The following LCN15 variants were observed in gnomAD, a reference collection of about 807,000 sequenced individuals.
The protein encoded by LCN15 is lipocalin-15.
LCN15 carries 26 observed loss-of-function variants against 23.1 expected under a neutral mutation model. The ratio of observed to expected loss-of-function variants is 1.13; its 90% CI spans 0.82 to 1.56. The LOEUF (loss-of-function observed/expected upper bound fraction) is 1.56, where lower values mean the gene tolerates loss of function less well. LCN15 is among the 40% of genes most tolerant of loss of function. The pLI is 0.00. For synonymous variants in LCN15, 107 were observed against 98.3 expected (o/e 1.09, Z -0.52); for missense variants, 241 against 239.5 (o/e 1.01, Z -0.04).
At chr9:136,760,495 C>T (rs1210195560) in intron 6 of LCN15, among the ~76,000 whole-genome samples, 4 of 152,204 alleles carry the variant, frequency 2.6e-5, no homozygotes, top group African/African-American at 9.7e-5. Flanking sequence ...CGCCTCAGAG[C>T]CGCCCACCTC....
intron 6 of LCN15, among the ~76,000 whole-genome samples, chr9:136,760,497 G>T (rs898336321): frequency 6.6e-6 from 1 of 152,136 alleles, no homozygotes; most frequent in African/African-American, 2.4e-5. Context: ...CCTCAGAGCC[G>T]CCCACCTCCT....
chr9:136,762,374 G>T, intron 4 of LCN15, 85 bp from the exon 5 acceptor site: 1 of 794,678 alleles, frequency 1.3e-6, no homozygotes. Context: ...CCAGCCTGAG[G>T]GCTGACAGCA....
rs2131096738 is a variant in LCN15, at chr9:136,759,697, G to T, written c.*119C>A. ...TCCCACAAGGCATCCCACAGGCGGG[G>T]GGTGGAGGATGGAGAGACTCCAGGT... On this transcript the variant is annotated 3_prime_UTR_variant, in exon 7 of 7. Coordinates refer to ENST00000316144, the MANE Select transcript of LCN15 (RefSeq NM_203347.2). 6.6e-6 allele frequency: 1 copy of T among 152,418 alleles called. No individual in the cohort carries two copies. The highest frequency in any genetic ancestry group is 1.9e-4 in the East Asian group (1 of 5,184). The allele number at this position is 152,418 out of a possible 1,614,324, so 9.4% of individuals were successfully genotyped here. A position where few individuals can be genotyped will look rare whatever the true frequency, so the allele number is the denominator to read the frequency against.
chr9:136,762,362 C>T, intron 4 of LCN15, 73 bp from the exon 5 acceptor site: 1 of 873,804 alleles, frequency 1.1e-6, no homozygotes. Flanking sequence ...GGCCTCACTC[C>T]ACCAGCCTGA....
At chr9:136,759,833 C>T (rs1302249007) in intron 6 of LCN15, 50 bp from the exon 7 acceptor site, 1 of 152,396 alleles carries the variant, frequency 6.6e-6, no homozygotes, top group Non-Finnish European at 1.5e-5. Flanking sequence ...GCGACAAACG[C>T]CCTTCCTGCT....
Position 136,761,999 on chromosome 9 carries a change from C to A in LCN15, c.521-146G>T. ...CCAGAGCTTCCCTCCCAGCGCTGCC[C>A]AAAGCCTCTCCCGTAGTCTGTTCTG... is the stretch of plus-strand genomic sequence containing the variant. On this transcript the variant is annotated intron_variant, in intron 5 of 6. Transcript: ENST00000316144. This position sits in a 1 kb window ranked among gnomAD's most constrained non-coding sequence, Gnocchi z 4.2. 1.3e-6 allele frequency: 1 copy of A among 795,344 alleles called. No individual in the cohort carries two copies. Among genetic ancestry groups the A allele is most frequent in the Non-Finnish European group, 1.9e-6 (1 of 534,862 alleles). The allele number at this position is 795,344 out of a possible 1,614,324, so 49.3% of individuals were successfully genotyped here.
Position 136,760,818 on chromosome 9 carries a change from A to C in LCN15, c.*32+969T>G, listed in dbSNP as rs1360694044. On this transcript the variant is annotated intron_variant, in intron 6 of 6. Transcript: ENST00000316144. ...GGCTGTGTGGATACAGCGGGGACAC[A>C]GAGCTGTGGATTGAATCGTGTCCCC... Among the ~76,000 whole-genome samples the C allele has an allele frequency of 3.9e-5, 6 of 152,244 alleles. No homozygotes were observed. In the South Asian group the frequency reaches 6.2e-4, roughly 16 times the overall value.
intron 6 of LCN15, among the ~76,000 whole-genome samples, chr9:136,760,982 TAAG>T (rs1014218959): frequency 2.6e-5 from 4 of 152,216 alleles, no homozygotes; most frequent in African/African-American, 9.6e-5. Context: ...GGCATCCTCC[TAAG>T]AAGAGGGCCG....
chr9:136,762,702 C>T (rs535797332), intron 4 of LCN15, among the ~76,000 whole-genome samples: 1 of 152,220 alleles, frequency 6.6e-6, no homozygotes, highest in East Asian at 1.9e-4. Flanking sequence ...GAGATCGAGA[C>T]CATCCTGGCT....
At chr9:136,762,327 A>C in intron 4 of LCN15, 38 bp from the exon 5 acceptor site, 91 of 1,218,464 alleles carry the variant, frequency 7.5e-5, no homozygotes, top group Middle Eastern at 1.9e-4. Flanking sequence ...TCAGCAGCTC[A>C]CAGGAGTGCA....
intron 4 of LCN15, 124 bp from the exon 5 acceptor site, chr9:136,762,413 T>G: frequency 1.5e-6 from 1 of 669,686 alleles, no homozygotes; most frequent in Non-Finnish European, 2.7e-6. Context: ...GGGCAGGTTG[T>G]GCGCGGCATA....
chr9:136,760,515 T>A (rs557509589), intron 6 of LCN15, among the ~76,000 whole-genome samples: 2 of 152,264 alleles, frequency 1.3e-5, no homozygotes, highest in East Asian at 3.9e-4. Context: ...CCTCCCGCCA[T>A]GCCAGGAAGG....
intron 6 of LCN15, among the ~76,000 whole-genome samples, chr9:136,760,667 G>A (rs996459400): frequency 7.2e-5 from 11 of 152,224 alleles, no homozygotes; most frequent in Admixed American, 2.0e-4. Context: ...GCAAGACCCC[G>A]CCCGCACGTG....
At chr9:136,764,056 G>T (rs371740928) in intron 1 of LCN15, 47 bp from the exon 2 acceptor site, 53 of 1,596,732 alleles carry the variant, frequency 3.3e-5, no homozygotes, top group Admixed American at 1.5e-4. Context: ...CAGCAGCAGG[G>T]CCCTCCTTGC....
intron 1 of LCN15, 26 bp from the exon 2 acceptor site, chr9:136,764,035 G>A (rs1847353360): frequency 7.5e-6 from 12 of 1,605,766 alleles, no homozygotes; most frequent in Non-Finnish European, 9.4e-6. Context: ...TCACCCGCAG[G>A]CCAGGACAGC....
At position 136,763,909 on chromosome 9, in the gene LCN15, G is replaced by A. The variant is rs1847351268; in HGVS notation, c.197C>T (p.Thr66Ile). The change falls in exon 2 of 7, where the codon ACA becomes ATA. Residue 66 changes from threonine (T) to isoleucine (I), a missense_variant. By Grantham distance (89) the Thr-to-Ile change is moderately conservative (BLOSUM62 -1). Coordinates refer to ENST00000316144, the MANE Select transcript of LCN15 (RefSeq NM_203347.2). ...LSMSTRAIRPTEEGGLHVHME... is the reference protein window; with the variant it reads ...LSMSTRAIRPIEEGGLHVHME... ...GTGGACGTGGAGGCCGCCCTCCTCT[G>A]TGGGCCTGATGGCCCTGGTGGACAT... 1 of 1,613,686 alleles carries A rather than the reference G, an allele frequency of 6.2e-7. No individual in the cohort carries two copies. The highest frequency in any genetic ancestry group is 8.5e-7 in the Non-Finnish European group (1 of 1,179,980).
chr9:136,764,272 A>T (rs1320314412), intron 1 of LCN15, 121 bp downstream of exon 1: 18 of 991,126 alleles, frequency 1.8e-5, no homozygotes, highest in Non-Finnish European at 2.6e-5. Flanking sequence ...GTGGGTCTAT[A>T]GCACGTGCCT....
rs1323060858 is a variant in LCN15, at chr9:136,763,714, C to G, written c.306G>C (p.Pro102=). 2 of 1,613,064 alleles carry G rather than the reference C, an allele frequency of 1.2e-6. No homozygotes were observed. Among genetic ancestry groups the G allele is most frequent in the South Asian group, 1.1e-5 (1 of 91,078 alleles). The change falls in exon 3 of 7, where the codon CCG becomes CCC. Residue 102 remains proline, a splice_region_variant and synonymous_variant. Transcript: ENST00000316144. ...GAAGGCAGAGGAGGCAGGACCTACC[C>G]GGGACTCTGAAGTGTCCCTCGGAGC... ...KVGSEGHFRV[P]ALGYLDVRIV...
chr9:136,763,938 CA>C lies in LCN15; in HGVS notation c.167del (p.Leu56ArgfsTer36). On this transcript the variant is annotated frameshift_variant, in exon 2 of 7. Coordinates refer to ENST00000316144, the MANE Select transcript of LCN15 (RefSeq NM_203347.2). LOFTEE classifies it high-confidence loss of function. ...CRVFLGKKDH[L>X]SMSTRAIRPT... ...GCCTGATGGCCCTGGTGGACATGGA[CA>C]GGTGGTCCTTCTTGCCCAGGAAGAC... The C allele has an allele frequency of 1.9e-6, 3 of 1,613,666 alleles. No individual in the cohort carries two copies. Among genetic ancestry groups the C allele is most frequent in the Non-Finnish European group, 1.7e-6 (2 of 1,179,992 alleles).
Sources: gnomAD v4.1 joint callset for allele counts (sites outside exome capture counted in the v4.1 genomes callset) on GRCh38, gnomAD v4.1.1 for gene constraint, Gnocchi (gnomAD v3.1) non-coding constraint, MANE v1.5 for transcripts, NCBI Gene and HGNC (gene_info 2026-07-23, HGNC 2026-07-21) for gene names.